The following PDE1C variants were observed in gnomAD, a reference collection of about 807,000 sequenced individuals.
The protein encoded by PDE1C is dual specificity calcium/calmodulin-dependent 3',5'-cyclic nucleotide phosphodiesterase 1C.
In PDE1C, 62 loss-of-function variants were observed where a neutral mutation model predicts 93.1. That is an observed-to-expected ratio of 0.67 (90% CI 0.54 to 0.82). PDE1C has a LOEUF of 0.82. PDE1C is among the 40% of genes least tolerant of loss of function. The pLI is 0.00. For synonymous variants in PDE1C, 325 were observed against 310.1 expected (o/e 1.05, Z -0.50); for missense variants, 742 against 884.6 (o/e 0.84, Z 2.04).
chr7:32,409,175 G>C (rs1220947133), intron 1 of PDE1C, among the ~76,000 whole-genome samples: 1 of 151,960 alleles, frequency 6.6e-6, no homozygotes, highest in Non-Finnish European at 1.5e-5. Flanking sequence ...TGGGCAACAT[G>C]GTGAAACCTC....
At chr7:32,077,866 T>C (rs1010211338) in intron 3 of PDE1C, 1 of 985,004 alleles carries the variant, frequency 1.0e-6, no homozygotes, top group East Asian at 1.1e-4. Context: ...ATTATTATTA[T>C]TACCTCCAGT....
At chr7:31,884,588 T>G (rs900816801) in intron 2 of PDE1C, among the ~76,000 whole-genome samples, 7 of 152,182 alleles carry the variant, frequency 4.6e-5, no homozygotes, top group Admixed American at 6.5e-5. Flanking sequence ...ACACAAAGCC[T>G]AGTGATTCCA....
chr7:32,127,234 C>A (rs1375245665), intron 3 of PDE1C, among the ~76,000 whole-genome samples: 1 of 152,142 alleles, frequency 6.6e-6, no homozygotes, highest in Admixed American at 6.6e-5. Flanking sequence ...AACTGCAGAT[C>A]TTGGGACTTG....
intron 16 of PDE1C, among the ~76,000 whole-genome samples, chr7:31,802,739 C>T (rs1374324118): frequency 6.6e-6 from 1 of 151,676 alleles, no homozygotes; most frequent in African/African-American, 2.4e-5. Flanking sequence ...TTTAGCTCCA[C>T]TGTCTTATTT....
At chr7:31,787,096 T>G (rs1173330615) in intron 16 of PDE1C, 1 of 152,186 alleles carries the variant, frequency 6.6e-6, no homozygotes, top group East Asian at 1.9e-4. Context: ...GATTACCGTC[T>G]CACATCCCAT....
the PDE1C span, among the ~76,000 whole-genome samples, chr7:31,625,971 T>A: frequency 0.82 from 124,226 of 152,132 alleles, 51,310 homozygotes; most frequent in East Asian, 0.99. Flanking sequence ...TGATAATAAA[T>A]ATCTTCAGTA....
At chr7:32,257,190 A>G (rs994629526) in intron 1 of PDE1C, among the ~76,000 whole-genome samples, 3 of 152,332 alleles carry the variant, frequency 2.0e-5, no homozygotes, top group East Asian at 1.9e-4. Context: ...ACAAGTAAAT[A>G]TAAGATTTTT....
intron 1 of PDE1C, among the ~76,000 whole-genome samples, chr7:32,395,874 A>AAT (rs1562705679): frequency 2.6e-5 from 4 of 152,090 alleles, no homozygotes; most frequent in Admixed American, 1.3e-4. Flanking sequence ...TTCTAAAAAA[A>AAT]ATATTTTACT....
chr7:32,356,396 G>A (rs1009883142), intron 1 of PDE1C, among the ~76,000 whole-genome samples: 3 of 152,152 alleles, frequency 2.0e-5, no homozygotes, highest in Non-Finnish European at 2.9e-5. Flanking sequence ...AGAAATACTC[G>A]CTTAGTAAAA....
intron 1 of PDE1C, among the ~76,000 whole-genome samples, chr7:32,345,931 G>A (rs537936754): frequency 1.3e-5 from 2 of 152,306 alleles, no homozygotes; most frequent in South Asian, 2.1e-4. Flanking sequence ...AAACAGTTTG[G>A]CATTTTCTTA....
rs114662568 is a variant in PDE1C at position 31,836,375 on chromosome 7, G to A, written c.1203+805C>T. Among the ~76,000 whole-genome samples the A allele has an allele frequency of 5.7e-3, 861 of 152,026 alleles. 8 individuals are homozygous for A. The highest frequency in any genetic ancestry group is 0.019 in the African/African-American group (803 of 41,468). ...TTCTGAGACAGAGTCTCGCGCTGTCGCCAGGCTGGAGTACGGCAGTGCGAT... is the reference window on the plus strand; with the variant it reads ...TTCTGAGACAGAGTCTCGCGCTGTCACCAGGCTGGAGTACGGCAGTGCGAT... On this transcript the variant is annotated intron_variant, in intron 11 of 17. Transcript: ENST00000396191.
chr7:31,691,809 A>AAAAAAAAAC, the PDE1C span, among the ~76,000 whole-genome samples: 3 of 150,932 alleles, frequency 2.0e-5, no homozygotes, highest in African/African-American at 4.9e-5. Flanking sequence ...AAAAAAAAAA[A>AAAAAAAAAC]AAAAAAAAAA....
At chr7:32,298,629 G>A in intron 1 of PDE1C, 1 of 1,590,080 alleles carries the variant, frequency 6.3e-7, no homozygotes, top group Non-Finnish European at 8.6e-7. Context: ...CCAGGAGTCC[G>A]AGAGGGGTGG....
At chr7:31,728,173 T>C in the PDE1C span, among the ~76,000 whole-genome samples, 2 of 152,208 alleles carry the variant, frequency 1.3e-5, no homozygotes, top group Non-Finnish European at 2.9e-5. Flanking sequence ...TCTGAAACCA[T>C]CTTGCACTCA....
intron 1 of PDE1C, among the ~76,000 whole-genome samples, chr7:32,237,532 A>C (rs1259985995): frequency 6.6e-6 from 1 of 151,722 alleles, no homozygotes; most frequent in Non-Finnish European, 1.5e-5. Context: ...GTTAAAACTT[A>C]CTGAACTGTA....
intron 3 of PDE1C, among the ~76,000 whole-genome samples, chr7:32,153,902 A>C (rs761724220): frequency 2.6e-5 from 4 of 152,182 alleles, no homozygotes; most frequent in Non-Finnish European, 5.9e-5. Context: ...CACAACACAC[A>C]CATCAAAAGG....
At chr7:32,307,129 A>C (rs1489031605) in intron 1 of PDE1C, among the ~76,000 whole-genome samples, 1 of 152,214 alleles carries the variant, frequency 6.6e-6, no homozygotes, top group African/African-American at 2.4e-5. Flanking sequence ...GATAGTTTGC[A>C]TCTGTAACAA....
chr7:31,852,014 C>T (rs1297635812), intron 7 of PDE1C, among the ~76,000 whole-genome samples: 1 of 152,168 alleles, frequency 6.6e-6, no homozygotes, highest in East Asian at 1.9e-4. Context: ...TCATAAAAGC[C>T]CTGTGGTCTG....
intron 1 of PDE1C, among the ~76,000 whole-genome samples, chr7:32,381,939 A>C (rs1784543444): frequency 2.0e-5 from 3 of 152,192 alleles, no homozygotes; most frequent in African/African-American, 7.2e-5. Flanking sequence ...CTAAATATTT[A>C]CCAAGCATGA....
Sources: gnomAD v4.1 joint callset for allele counts (sites outside exome capture counted in the v4.1 genomes callset) on GRCh38, gnomAD v4.1.1 for gene constraint, MANE v1.5 for transcripts, NCBI Gene and HGNC (gene_info 2026-07-23, HGNC 2026-07-21) for gene names.